The following ACSL4 variants were observed in gnomAD, a reference collection of about 807,000 sequenced individuals.
The protein encoded by ACSL4 is acyl-CoA synthetase long chain family member 4.
Under a neutral mutation model 49.1 loss-of-function variants are expected in ACSL4, and 9 were observed. The observed-to-expected ratio is 0.18, with a 90% CI of 0.11 to 0.32. ACSL4 has a LOEUF of 0.32. Ranked by LOEUF, ACSL4 falls within the 10% of genes least tolerant of loss-of-function variation. ACSL4 has a pLI of 1.00. For missense variants in ACSL4, 333 were observed against 493.7 expected (o/e 0.67, Z 3.08); for synonymous variants, 191 against 170.3 (o/e 1.12, Z -0.95).
intron 9 of ACSL4, among the ~76,000 whole-genome samples, chrX:109,672,517 G>A (rs1361724225): frequency 8.9e-6 from 1 of 111,871 alleles, no homozygotes; most frequent in Non-Finnish European, 1.9e-5. Context: ...CAGCTGATAA[G>A]TAGTGACTTA....
At chrX:109,724,070 T>C (rs1211717967) in intron 1 of ACSL4, among the ~76,000 whole-genome samples, 1 of 112,040 alleles carries the variant, frequency 8.9e-6, no homozygotes, top group Non-Finnish European at 1.9e-5. Flanking sequence ...TTATATATTA[T>C]GGATATTATG....
In ACSL4 at chrX:109,645,356, C is replaced by A. The variant is rs187530007; in HGVS notation, c.1856-1170G>T. ...GGGCAGACTGCCTCCTCAAGTGGGT[C>A]CCTGACCCCTGACCCCCGAGCAGCC... On this transcript the variant is annotated intron_variant, in intron 15 of 15. Coordinates refer to ENST00000672401, the MANE Select transcript of ACSL4 (RefSeq NM_001318510.2). 1.6e-3 allele frequency among the ~76,000 whole-genome samples: 183 copies of A among 112,331 alleles called. 1 individual carries two copies. Among genetic ancestry groups the A allele is most frequent in the African/African-American group, 5.8e-3 (178 of 30,924 alleles).
intron 1 of ACSL4, among the ~76,000 whole-genome samples, chrX:109,703,516 C>G (rs143406601): frequency 5.4e-5 from 6 of 111,503 alleles, no homozygotes; most frequent in African/African-American, 2.0e-4. Flanking sequence ...ATATTCCCAC[C>G]GGCAGTATAT....
chrX:109,667,352 C>T (rs1407223002), intron 11 of ACSL4, among the ~76,000 whole-genome samples: 1 of 112,298 alleles, frequency 8.9e-6, no homozygotes, highest in Non-Finnish European at 1.9e-5. Context: ...ATACAACAGC[C>T]CTCAACAACA....
intron 9 of ACSL4, among the ~76,000 whole-genome samples, chrX:109,670,978 C>T (rs1923149949): frequency 8.9e-6 from 1 of 112,289 alleles, no homozygotes; most frequent in South Asian, 3.7e-4. Flanking sequence ...CTGGCTACAA[C>T]CTCCACCTCC....
chrX:109,683,122 C>T lies in ACSL4; in HGVS notation c.228+14G>A, dbSNP rs746659596. 6 of 1,196,100 alleles carry T rather than the reference C, an allele frequency of 5.0e-6. No individual in the cohort carries two copies. In the East Asian group the frequency reaches 1.8e-4, roughly 35 times the overall value. On this transcript the variant is annotated intron_variant, in intron 3 of 15. Transcript: ENST00000672401. Reference sequence around the variant, plus strand: ...CTCTTTAAAACATAAATGAAAAGCACCAAAATACTTTACCTTCTTAAAAAC... The same window carrying T: ...CTCTTTAAAACATAAATGAAAAGCATCAAAATACTTTACCTTCTTAAAAAC...
intron 1 of ACSL4, among the ~76,000 whole-genome samples, chrX:109,715,419 G>A (rs906659799): frequency 1.8e-5 from 2 of 110,540 alleles, no homozygotes; most frequent in African/African-American, 3.3e-5. Context: ...TGGGAGGATC[G>A]CCTGAGGTCA....
At chrX:109,649,561 AC>A (rs1002704760) in intron 15 of ACSL4, among the ~76,000 whole-genome samples, 5 of 111,974 alleles carry the variant, frequency 4.5e-5, no homozygotes, top group African/African-American at 1.6e-4. Flanking sequence ...TAGACCTAAA[AC>A]CATAAAAACC....
At chrX:109,689,875 T>G (rs1280205595) in intron 2 of ACSL4, among the ~76,000 whole-genome samples, 1 of 112,383 alleles carries the variant, frequency 8.9e-6, no homozygotes, top group Non-Finnish European at 1.9e-5. Context: ...CTGCTGAATC[T>G]GTGACTGGAA....
At chrX:109,679,481 G>A (rs763569801) in intron 6 of ACSL4, among the ~76,000 whole-genome samples, 1 of 112,287 alleles carries the variant, frequency 8.9e-6, no homozygotes, top group East Asian at 2.8e-4. Context: ...CTATACCACT[G>A]AAACAAAGAT....
chrX:109,644,707 C>A (rs1934569503), intron 15 of ACSL4, among the ~76,000 whole-genome samples: 1 of 112,612 alleles, frequency 8.9e-6, no homozygotes, highest in African/African-American at 3.2e-5. Flanking sequence ...CAGCTCTGGT[C>A]TACAGCTCCC....
rs1392323697 is a variant in ACSL4 at position 109,669,168 on chromosome X, G to T, written c.1008C>A (p.Ile336=). The part of the protein sequence containing the change: ...KPTLMAAVPE[I]MDRIYKNVMS... ...TAACATTCTTATAAATTCTATCCAT[G>T]ATTTCCTGAAAGTTAAACAAAATAT... is the stretch of plus-strand genomic sequence containing the variant. The change falls in exon 10 of 16, where the codon ATC becomes ATA. Residue 336 remains isoleucine (I), a synonymous_variant. Coordinates refer to ENST00000672401, the MANE Select transcript of ACSL4 (RefSeq NM_001318510.2). The T allele has an allele frequency of 1.7e-6, 2 of 1,158,222 alleles. No individual in the cohort carries two copies. The highest frequency in any genetic ancestry group is 2.3e-6 in the Non-Finnish European group (2 of 852,031).
chrX:109,705,846 C>T (rs1926313561), intron 1 of ACSL4, among the ~76,000 whole-genome samples: 1 of 112,119 alleles, frequency 8.9e-6, no homozygotes, highest in Non-Finnish European at 1.9e-5. Flanking sequence ...TACAGGCATG[C>T]ACCACCATGC....
intron 1 of ACSL4, among the ~76,000 whole-genome samples, chrX:109,732,833 G>C (rs139769232): frequency 1.1e-4 from 12 of 112,176 alleles, no homozygotes; most frequent in Non-Finnish European, 2.3e-4. Context: ...CCCCGATCAG[G>C]AAGATGACTT....
intron 2 of ACSL4, chrX:109,692,015 T>A (rs2147470284): frequency 8.9e-6 from 1 of 111,980 alleles, no homozygotes; most frequent in African/African-American, 3.3e-5. Flanking sequence ...CAAGATAAAC[T>A]GAACCTGTTT....
chrX:109,652,844 C>T (rs897407274), intron 15 of ACSL4, among the ~76,000 whole-genome samples: 1 of 111,038 alleles, frequency 9.0e-6, no homozygotes, highest in Non-Finnish European at 1.9e-5. Context: ...ATACATGTCA[C>T]ACTGTTTTTA....
chrX:109,690,373 A>T (rs749019817), intron 2 of ACSL4, among the ~76,000 whole-genome samples: 7 of 112,129 alleles, frequency 6.2e-5, no homozygotes, highest in Non-Finnish European at 1.1e-4. Flanking sequence ...CAGTCATTGG[A>T]TAGTTAATTG....
At chrX:109,677,159 T>C (rs1225611959) in intron 8 of ACSL4, among the ~76,000 whole-genome samples, 1 of 109,902 alleles carries the variant, frequency 9.1e-6, no homozygotes, top group African/African-American at 3.3e-5. Flanking sequence ...AGACGGGGTT[T>C]CACCATGTTA....
chrX:109,683,300 T>A lies in ACSL4; in HGVS notation c.64A>T (p.Thr22Ser). ...DKPGSPYRSV[T>S]HFDSLAVIDI... Reference sequence around the variant, plus strand: ...ATTACAGCTAGTGAGTCGAAGTGTGTGACAGAGCGATATGGACTTCCAGGT... The same window carrying A: ...ATTACAGCTAGTGAGTCGAAGTGTGAGACAGAGCGATATGGACTTCCAGGT... The change falls in exon 3 of 16, where the codon ACA becomes TCA. Residue 22 changes from threonine (T) to serine (S), a missense_variant. Physicochemically the swap from Thr to Ser is moderately conservative, Grantham distance 58 (BLOSUM62 1). Around this residue, in one of 3 missense-constraint regions of ACSL4, gnomAD observed 157 missense variants for 201.1 expected, o/e 0.78. Transcript: ENST00000672401. 8 of 1,212,082 alleles carry A rather than the reference T, an allele frequency of 6.6e-6. No homozygotes were observed. Among genetic ancestry groups the A allele is most frequent in the Non-Finnish European group, 8.9e-6 (8 of 895,589 alleles).
Sources: allele counts gnomAD v4.1 joint callset (sites outside exome capture counted in the v4.1 genomes callset), GRCh38; gene constraint gnomAD v4.1.1; regional missense constraint gnomAD v4.1.1; transcripts MANE v1.5; gene names NCBI Gene and HGNC (gene_info 2026-07-23, HGNC 2026-07-21).